COL4A4: variants seen among roughly 807,000 people sequenced by gnomAD.
The protein encoded by COL4A4 is collagen alpha-4(IV) chain.
In COL4A4, 105 loss-of-function variants were observed where a neutral mutation model predicts 192.9. That is an observed-to-expected ratio of 0.54 (90% CI 0.46 to 0.64). The LOEUF (loss-of-function observed/expected upper bound fraction) is 0.64, where lower values mean the gene tolerates loss of function less well. COL4A4 is among the 30% of genes least tolerant of loss of function. The pLI is 0.00. For missense variants in COL4A4, 1,967 were observed against 2,169.3 expected, an observed-to-expected ratio of 0.91 and a Z score of 1.85; for synonymous variants, 762 against 769.9, an observed-to-expected ratio of 0.99 and a Z score of 0.17.
At chr2:227,088,517 A>G in intron 22 of COL4A4, 136 bp downstream of exon 22, 1 of 1,176,048 alleles carries the variant, frequency 8.5e-7, no homozygotes, top group East Asian at 2.4e-5. Flanking sequence ...CTCCCCACCC[A>G]TACAGAACTG....
At chr2:226,982,920 T>C in the COL4A4 span, among the ~76,000 whole-genome samples, 2 of 152,198 alleles carry the variant, frequency 1.3e-5, no homozygotes. Context: ...ATTGTATTTG[T>C]TGTGTTTTTC....
At chr2:227,134,327 A>G (rs1228838644) in intron 4 of COL4A4, among the ~76,000 whole-genome samples, 1 of 152,204 alleles carries the variant, frequency 6.6e-6, no homozygotes, top group Non-Finnish European at 1.5e-5. Context: ...TGAGCCAGAG[A>G]GTTCTTGGAG....
intron 30 of COL4A4, among the ~76,000 whole-genome samples, chr2:227,055,621 A>G (rs1171719482): frequency 6.6e-6 from 1 of 152,108 alleles, no homozygotes; most frequent in Non-Finnish European, 1.5e-5. Flanking sequence ...CTAATCCCCT[A>G]ACAGGGGGTA....
At chr2:227,046,190 T>C (rs1321289676) in intron 35 of COL4A4, among the ~76,000 whole-genome samples, 1 of 150,626 alleles carries the variant, frequency 6.6e-6, no homozygotes, top group Admixed American at 6.7e-5. Context: ...TATTAACTTG[T>C]TTTTGTTAGA....
intron 23 of COL4A4, 116 bp from the exon 24 acceptor site, chr2:227,080,665 T>A: frequency 1.2e-6 from 1 of 816,360 alleles, no homozygotes; most frequent in Non-Finnish European, 2.1e-6. Context: ...TTCCTGTGTA[T>A]CTCAATTGCT....
intron 7 of COL4A4, among the ~76,000 whole-genome samples, chr2:227,118,030 C>G (rs2061582824): frequency 6.6e-6 from 1 of 152,154 alleles, no homozygotes; most frequent in Non-Finnish European, 1.5e-5. Context: ...TTGTTGCTGC[C>G]AAGCAGGAAA....
At position 227,118,659 on chromosome 2, in the gene COL4A4, G is replaced by A. The variant is rs760873029; in HGVS notation, c.475C>T (p.Pro159Ser). The change falls in exon 7 of 48, where the codon CCA becomes TCA. Residue 159 changes from proline (P) to serine (S), a missense_variant. Coordinates refer to ENST00000396625, the MANE Select transcript of COL4A4 (RefSeq NM_000092.5). The part of the protein sequence containing the change: ...GFPGGRGALG[P>S]GGPLGHPGEK... ...GGGTATCTTACTAGGGGGCCTCCTGGGCCAAGAGCTCCTCTTCCTCCTGGA... is the reference window on the plus strand; with the variant it reads ...GGGTATCTTACTAGGGGGCCTCCTGAGCCAAGAGCTCCTCTTCCTCCTGGA... 22 of 1,613,314 alleles carry A rather than the reference G, an allele frequency of 1.4e-5. No individual in the cohort carries two copies. Among genetic ancestry groups the A allele is most frequent in the Middle Eastern group, 1.6e-4 (1 of 6,084 alleles).
chr2:227,144,768 G>A (rs1342218622), intron 2 of COL4A4, among the ~76,000 whole-genome samples: 1 of 152,192 alleles, frequency 6.6e-6, no homozygotes, highest in Non-Finnish European at 1.5e-5. Flanking sequence ...GCCAAGAAGT[G>A]TGTGTTGAAC....
At chr2:227,052,191 C>CAA (rs556605463) in intron 32 of COL4A4, 114 bp downstream of exon 32, 178 of 572,572 alleles carry the variant, frequency 3.1e-4, no homozygotes, top group East Asian at 8.1e-4. Flanking sequence ...AACTCCATCT[C>CAA]AAAAAAAAAA....
chr2:227,088,963 G>T, intron 21 of COL4A4, 147 bp from the exon 22 acceptor site: 1 of 903,180 alleles, frequency 1.1e-6, no homozygotes, highest in Non-Finnish European at 1.7e-6. Context: ...GTGCTGTGGG[G>T]GCTGGGTGTG....
chr2:227,147,276 A>G (rs2063608738), intron 2 of COL4A4, 137 bp downstream of exon 2: 1 of 827,126 alleles, frequency 1.2e-6, no homozygotes, highest in African/African-American at 1.7e-5. Flanking sequence ...GAGTCATGAA[A>G]TGGCAGACAT....
chr2:226,989,692 C>T, the COL4A4 span, among the ~76,000 whole-genome samples: 58 of 152,196 alleles, frequency 3.8e-4, no homozygotes, highest in Non-Finnish European at 6.8e-4. Flanking sequence ...CATAGTGGAC[C>T]TGATGTTATA....
At chr2:227,126,125 G>A (rs1397549692) in intron 4 of COL4A4, among the ~76,000 whole-genome samples, 2 of 151,962 alleles carry the variant, frequency 1.3e-5, no homozygotes, top group Non-Finnish European at 2.9e-5. Context: ...TTAAAATACA[G>A]TATAACAACT....
At chr2:227,054,466 C>A (rs1974864014) in intron 31 of COL4A4, 128 bp downstream of exon 31, 2 of 1,020,070 alleles carry the variant, frequency 2.0e-6, no homozygotes, top group African/African-American at 1.6e-5. Flanking sequence ...AAAACAAATA[C>A]CATAGAACTA....
chr2:227,163,115 G>T (rs1347934270), intron 1 of COL4A4, among the ~76,000 whole-genome samples: 1 of 152,208 alleles, frequency 6.6e-6, no homozygotes, highest in African/African-American at 2.4e-5. Flanking sequence ...CTTAACCTGA[G>T]GATGGAATTC....
chr2:227,123,050 A>C lies in COL4A4; in HGVS notation c.193-1902T>G, dbSNP rs914871365. On this transcript the variant is annotated intron_variant, in intron 4 of 47. Transcript: ENST00000396625. This position sits in a 1 kb window ranked among gnomAD's most constrained non-coding sequence, Gnocchi z 4.6. Reference sequence around the variant, plus strand: ...TGGCTAATTTTTGTATTTTTAGTAGAGACTGGGTTTCAGTATGTTGGCCAG... The same window carrying C: ...TGGCTAATTTTTGTATTTTTAGTAGCGACTGGGTTTCAGTATGTTGGCCAG... Among the ~76,000 whole-genome samples, 1 of 151,956 alleles carries C rather than the reference A, an allele frequency of 6.6e-6. No homozygotes were observed. Among genetic ancestry groups the C allele is most frequent in the African/African-American group, 2.4e-5 (1 of 41,362 alleles).
chr2:227,126,619 C>T (rs1025609434), intron 4 of COL4A4, among the ~76,000 whole-genome samples: 12 of 152,050 alleles, frequency 7.9e-5, no homozygotes, highest in African/African-American at 1.9e-4. Context: ...GTATTTAGTG[C>T]GGTTTTTTTG....
chr2:227,032,135 T>C lies in COL4A4; in HGVS notation c.3706+13A>G, dbSNP rs754923656. On this transcript the variant is annotated intron_variant, in intron 39 of 47. Transcript: ENST00000396625. ...TAGTTATTGAAAGAAGGGCAAAGCA[T>C]GCTACAGCTTACCTGGGGGTCCTGG... The C allele has an allele frequency of 3.0e-5, 49 of 1,614,204 alleles. No homozygotes were observed. In the East Asian group the frequency reaches 6.2e-4, roughly 21 times the overall value.
intron 43 of COL4A4, among the ~76,000 whole-genome samples, chr2:227,025,380 G>C (rs1018526712): frequency 6.6e-6 from 1 of 152,164 alleles, no homozygotes; most frequent in Non-Finnish European, 1.5e-5. Context: ...GATAGGAAAG[G>C]CTTGTCACAG....
Sources: gnomAD v4.1 joint callset for allele counts (sites outside exome capture counted in the v4.1 genomes callset) on GRCh38, gnomAD v4.1.1 for gene constraint, Gnocchi (gnomAD v3.1) non-coding constraint, MANE v1.5 for transcripts, NCBI Gene and HGNC (gene_info 2026-07-23, HGNC 2026-07-21) for gene names.